The following FBXL13 variants were observed in gnomAD, a reference collection of about 807,000 sequenced individuals.
The protein encoded by FBXL13 is F-box and leucine-rich repeat protein 13.
Under a neutral mutation model 83.6 loss-of-function variants are expected in FBXL13, and 67 were observed. The ratio of observed to expected loss-of-function variants is 0.80; its 90% CI spans 0.66 to 0.98. FBXL13 has a LOEUF of 0.98. FBXL13 is among the 50% of genes least tolerant of loss of function. The pLI, the probability that FBXL13 is intolerant of heterozygous loss-of-function variation, is 0.00. For synonymous variants in FBXL13, 272 were observed against 299.5 expected, an observed-to-expected ratio of 0.91 and a Z score of 0.95; for missense variants, 822 against 866.5, an observed-to-expected ratio of 0.95 and a Z score of 0.64.
At chr7:103,018,378 T>C (rs1239600725) in intron 6 of FBXL13, among the ~76,000 whole-genome samples, 5 of 152,018 alleles carry the variant, frequency 3.3e-5, no homozygotes, top group Non-Finnish European at 4.4e-5. Context: ...ACATGCCAAA[T>C]TGGAAAAACC....
chr7:103,055,027 T>C (rs1299726099), intron 2 of FBXL13, 61 bp downstream of exon 3: 18 of 1,061,988 alleles, frequency 1.7e-5, no homozygotes, highest in Non-Finnish European at 2.3e-5. Flanking sequence ...TAAAATCTAC[T>C]TGGAAAATTC....
intron 1 of FBXL13, among the ~76,000 whole-genome samples, chr7:103,058,464 A>T (rs997710085): frequency 6.6e-6 from 1 of 152,250 alleles, no homozygotes; most frequent in African/African-American, 2.4e-5. Context: ...GGCTGAAGCC[A>T]TCTATTATCT....
At chr7:102,849,061 A>G (rs553122475) in intron 17 of FBXL13, among the ~76,000 whole-genome samples, 21 of 152,326 alleles carry the variant, frequency 1.4e-4, no homozygotes, top group Admixed American at 9.8e-4. Context: ...AAAACAACTT[A>G]TTAAGATGGA....
At chr7:102,991,295 G>A (rs891961968) in intron 6 of FBXL13, among the ~76,000 whole-genome samples, 1 of 152,194 alleles carries the variant, frequency 6.6e-6, no homozygotes, top group African/African-American at 2.4e-5. Context: ...GGGTTGGACA[G>A]GATATGGGGG....
At chr7:102,843,813 A>G (rs1217749892) in intron 17 of FBXL13, among the ~76,000 whole-genome samples, 3 of 152,074 alleles carry the variant, frequency 2.0e-5, no homozygotes, top group East Asian at 1.9e-4. Context: ...TAAAAATCCA[A>G]TGTGAAGCAG....
chr7:102,912,526 T>C (rs550420190), intron 11 of FBXL13, among the ~76,000 whole-genome samples: 1 of 152,206 alleles, frequency 6.6e-6, no homozygotes, highest in Non-Finnish European at 1.5e-5. Flanking sequence ...TGCCCAACTT[T>C]CCAAGTCCTG....
intron 11 of FBXL13, among the ~76,000 whole-genome samples, chr7:102,889,015 A>G (rs1349374990): frequency 6.6e-6 from 1 of 152,228 alleles, no homozygotes; most frequent in East Asian, 1.9e-4. Context: ...TGTATATAAA[A>G]GTGATTAGCT....
intron 8 of FBXL13, chr7:102,934,514 A>G: frequency 6.2e-7 from 1 of 1,612,210 alleles, no homozygotes; most frequent in South Asian, 1.1e-5. Flanking sequence ...ACAAAAAAAT[A>G]AAAAACTGCG....
chr7:102,861,662 C>G (rs116440489), intron 16 of FBXL13, among the ~76,000 whole-genome samples: 2,165 of 152,238 alleles, frequency 0.014, 46 homozygotes, highest in African/African-American at 0.048. Flanking sequence ...TAGTAACATA[C>G]TTAGGTTCAA....
chr7:102,963,561 A>G (rs1825616620), exon 8 of FBXL13: 2 of 1,613,216 alleles, frequency 1.2e-6, no homozygotes, highest in African/African-American at 2.7e-5. Context: ...TGGGTCGGAG[A>G]AGACAACCAC....
chr7:102,867,981 C>T (rs932063830), intron 16 of FBXL13, among the ~76,000 whole-genome samples: 9 of 151,698 alleles, frequency 5.9e-5, no homozygotes, highest in African/African-American at 1.7e-4. Flanking sequence ...GGATTACAGG[C>T]GTGAGCCACC....
chr7:103,000,823 A>G (rs1790309379), intron 6 of FBXL13, among the ~76,000 whole-genome samples: 1 of 152,222 alleles, frequency 6.6e-6, no homozygotes, highest in Non-Finnish European at 1.5e-5. Context: ...AGTTGCTCCT[A>G]TATCATTATA....
At chr7:103,009,110 GA>G (rs971036003) in intron 6 of FBXL13, among the ~76,000 whole-genome samples, 4 of 150,302 alleles carry the variant, frequency 2.7e-5, no homozygotes, top group African/African-American at 4.9e-5. Flanking sequence ...GAGTTCACAG[GA>G]AAAAAAAAGA....
chr7:102,899,885 T>C lies in FBXL13; in HGVS notation c.1008+13201A>G, dbSNP rs148583747. On this transcript the variant is annotated intron_variant, in intron 11 of 19. Transcript: ENST00000313221. Reference sequence around the variant, plus strand: ...GGGAATTCGAGACTGGCCTGGCCAATAAAATACAAAAATTAGCTGGGCGTG... The same window carrying C: ...GGGAATTCGAGACTGGCCTGGCCAACAAAATACAAAAATTAGCTGGGCGTG... Among the ~76,000 whole-genome samples, 22 of 151,684 alleles carry C rather than the reference T, an allele frequency of 1.5e-4. No individual in the cohort carries two copies. The East Asian group carries it at 3.7e-3, about 25-fold the overall frequency.
At chr7:102,832,957 T>C in exon 18 of FBXL13, 1 of 1,614,176 alleles carries the variant, frequency 6.2e-7, no homozygotes, top group Non-Finnish European at 8.5e-7. Flanking sequence ...CCAAGATCAG[T>C]GAGCTTTTGC....
chr7:102,893,502 CG>C (rs1811793677), intron 11 of FBXL13, among the ~76,000 whole-genome samples: 1 of 152,124 alleles, frequency 6.6e-6, no homozygotes, highest in South Asian at 2.1e-4. Flanking sequence ...CGCGGTGGCT[CG>C]CGCCTGTAAT....
intron 6 of FBXL13, among the ~76,000 whole-genome samples, chr7:103,011,671 C>A (rs746563149): frequency 6.7e-6 from 1 of 150,328 alleles, no homozygotes; most frequent in African/African-American, 2.4e-5. Context: ...ACAAACTGAT[C>A]TGATAGAGCT....
chr7:103,058,565 T>A (rs1467622941), intron 1 of FBXL13, among the ~76,000 whole-genome samples: 1 of 152,180 alleles, frequency 6.6e-6, no homozygotes, highest in Non-Finnish European at 1.5e-5. Flanking sequence ...GTCTCCAGAG[T>A]ACTGAGTTTT....
At chr7:103,052,632 A>T (rs1283329154) in intron 2 of FBXL13, among the ~76,000 whole-genome samples, 1 of 152,098 alleles carries the variant, frequency 6.6e-6, no homozygotes, top group Non-Finnish European at 1.5e-5. Context: ...TTTCCAACTT[A>T]TTATATGAAG....
Sources: allele counts gnomAD v4.1 joint callset (sites outside exome capture counted in the v4.1 genomes callset), GRCh38; gene constraint gnomAD v4.1.1; transcripts MANE v1.5; gene names NCBI Gene and HGNC (gene_info 2026-07-23, HGNC 2026-07-21).